Variants in CDKAL1 observed in about 807,000 individuals in gnomAD.
CDKAL1 encodes threonylcarbamoyladenosine tRNA methylthiotransferase.
CDKAL1 carries 32 observed loss-of-function variants against 68.2 expected under a neutral mutation model. The observed-to-expected ratio is 0.47, with a 90% CI of 0.35 to 0.63. CDKAL1 has a LOEUF of 0.63. Among genes scored for constraint, CDKAL1 ranks in the 30% least tolerant of loss-of-function variants. The probability of loss-of-function intolerance (pLI) is 0.00; values close to 1 mark genes in which losing one functional copy is unlikely to be tolerated. For synonymous variants in CDKAL1, 234 were observed against 244.3 expected, an observed-to-expected ratio of 0.96 and a Z score of 0.39; for missense variants, 606 against 696.7, an observed-to-expected ratio of 0.87 and a Z score of 1.47.
At position 20,600,771 on chromosome 6, in the gene CDKAL1, CAT is replaced by C. The variant is rs10522824; in HGVS notation, c.287-48506_287-48505del. On this transcript the variant is annotated intron_variant, in intron 4 of 15. Coordinates refer to ENST00000274695, the MANE Select transcript of CDKAL1 (RefSeq NM_017774.3). ...ATGGAGAGAGAGATATATATGTATA[CAT>C]ATATATATATATATACACACACACA... 2.3e-3 allele frequency among the ~76,000 whole-genome samples: 281 copies of C among 124,048 alleles called. 3 individuals are homozygous for C. Among genetic ancestry groups the C allele is most frequent in the African/African-American group, 5.9e-3 (204 of 34,430 alleles). The allele number at this position is 124,048 out of a possible 152,430, so 81.4% of individuals were successfully genotyped here. A position where few individuals can be genotyped will look rare whatever the true frequency, so the allele number is the denominator to read the frequency against.
chr6:21,086,523 G>A (rs1210069509), intron 12 of CDKAL1, among the ~76,000 whole-genome samples: 2 of 152,140 alleles, frequency 1.3e-5, no homozygotes, highest in African/African-American at 2.4e-5. Flanking sequence ...CGCCTAGGTG[G>A]GTGAACTAGT....
chr6:21,181,261 C>T (rs910698563), intron 13 of CDKAL1, among the ~76,000 whole-genome samples: 3 of 152,230 alleles, frequency 2.0e-5, no homozygotes, highest in Non-Finnish European at 4.4e-5. Flanking sequence ...TACAATGGCA[C>T]TTAAATTTCA....
chr6:20,886,072 A>T (rs67816138), intron 9 of CDKAL1, among the ~76,000 whole-genome samples: 4 of 152,144 alleles, frequency 2.6e-5, no homozygotes, highest in East Asian at 1.9e-4. Context: ...CTCAACAAGC[A>T]GACAACCCAG....
chr6:21,130,256 C>T (rs1382954825), intron 13 of CDKAL1, among the ~76,000 whole-genome samples: 2 of 132,578 alleles, frequency 1.5e-5, no homozygotes, highest in Non-Finnish European at 3.1e-5. Context: ...TGTAGTTTCG[C>T]TCTTGTTCCC....
At chr6:20,609,082 A>C (rs1247728305) in intron 4 of CDKAL1, among the ~76,000 whole-genome samples, 1 of 152,224 alleles carries the variant, frequency 6.6e-6, no homozygotes, top group Non-Finnish European at 1.5e-5. Context: ...TGGACTGCAC[A>C]TATGGGAATA....
chr6:20,874,331 T>C (rs13197235), intron 9 of CDKAL1, among the ~76,000 whole-genome samples: 42,594 of 151,592 alleles, frequency 0.28, 7,265 homozygotes, highest in East Asian at 0.37. Flanking sequence ...AGATGGAGTC[T>C]CGCCCTGTCG....
intron 9 of CDKAL1, among the ~76,000 whole-genome samples, chr6:20,868,023 G>A (rs1047605254): frequency 1.3e-5 from 2 of 148,810 alleles, no homozygotes; most frequent in African/African-American, 4.9e-5. Context: ...AGGCAAATTT[G>A]TCCTTTCTTT....
intron 13 of CDKAL1, among the ~76,000 whole-genome samples, chr6:21,151,310 C>G (rs546271448): frequency 3.8e-3 from 577 of 152,356 alleles, no homozygotes; most frequent in Non-Finnish European, 6.8e-3. Context: ...GTTTAACCCT[C>G]TCCGACCCAG....
At chr6:20,950,113 G>A (rs1405118555) in intron 9 of CDKAL1, among the ~76,000 whole-genome samples, 2 of 152,024 alleles carry the variant, frequency 1.3e-5, no homozygotes, top group Non-Finnish European at 2.9e-5. Context: ...GCAAAGAAGA[G>A]TAGAGGTCAT....
intron 10 of CDKAL1, among the ~76,000 whole-genome samples, chr6:20,976,594 A>G (rs560794311): frequency 6.6e-5 from 10 of 152,190 alleles, no homozygotes; most frequent in Non-Finnish European, 1.5e-4. Context: ...GTGCACTTGG[A>G]TGTGACTATC....
At chr6:21,159,101 C>CTTTTTTTTTTTTTTTTTTTTTTTT in intron 13 of CDKAL1, among the ~76,000 whole-genome samples, 1 of 135,810 alleles carries the variant, frequency 7.4e-6, no homozygotes, top group Non-Finnish European at 1.6e-5. Flanking sequence ...CTGAAACCTC[C>CTTTTTTTTTTTTTTTTTTTTTTTT]TTTTTTTTTT....
intron 4 of CDKAL1, among the ~76,000 whole-genome samples, chr6:20,620,509 T>G (rs1171770207): frequency 6.6e-6 from 1 of 152,180 alleles, no homozygotes; most frequent in African/African-American, 2.4e-5. Flanking sequence ...GCTCCAGAGG[T>G]TAAGTATCTT....
intron 7 of CDKAL1, among the ~76,000 whole-genome samples, chr6:20,779,128 G>T (rs886701955): frequency 6.6e-6 from 1 of 152,158 alleles, no homozygotes; most frequent in Non-Finnish European, 1.5e-5. Flanking sequence ...GTTATCATAA[G>T]AAGCCGTAGT....
intron 13 of CDKAL1, among the ~76,000 whole-genome samples, chr6:21,186,834 T>C (rs760886283): frequency 3.3e-5 from 5 of 152,162 alleles, no homozygotes; most frequent in Admixed American, 6.5e-5. Context: ...CGTTAAATTT[T>C]TAAAAACAAC....
intron 13 of CDKAL1, among the ~76,000 whole-genome samples, chr6:21,189,993 G>A (rs1023811288): frequency 2.0e-5 from 3 of 152,112 alleles, no homozygotes; most frequent in Admixed American, 6.6e-5. Context: ...TAATTACAGC[G>A]GTTCACTGGC....
chr6:20,855,695 GA>G (rs1759299442), intron 9 of CDKAL1, among the ~76,000 whole-genome samples: 1 of 152,064 alleles, frequency 6.6e-6, no homozygotes, highest in South Asian at 2.1e-4. Context: ...GACAGCATTA[GA>G]ATTTGTATTT....
intron 10 of CDKAL1, among the ~76,000 whole-genome samples, chr6:20,984,874 G>A (rs1177681917): frequency 6.6e-6 from 1 of 151,994 alleles, no homozygotes; most frequent in Non-Finnish European, 1.5e-5. Context: ...AGGAAAACAG[G>A]GATGTAAGTT....
intron 8 of CDKAL1, among the ~76,000 whole-genome samples, chr6:20,810,627 G>GGGGTGTGT (rs1343511045): frequency 7.4e-6 from 1 of 134,672 alleles, no homozygotes; most frequent in African/African-American, 2.8e-5. Flanking sequence ...TGTATGTATG[G>GGGGTGTGT]GTGTGTGTGT....
chr6:20,779,404 A>G (rs1359276346), intron 7 of CDKAL1, among the ~76,000 whole-genome samples: 5 of 152,222 alleles, frequency 3.3e-5, no homozygotes, highest in Non-Finnish European at 5.9e-5. Context: ...CAGCTGGTCA[A>G]TGGATTGACA....
Sources: gnomAD v4.1 joint callset for allele counts (sites outside exome capture counted in the v4.1 genomes callset) on GRCh38, gnomAD v4.1.1 for gene constraint, MANE v1.5 for transcripts, NCBI Gene and HGNC (gene_info 2026-07-23, HGNC 2026-07-21) for gene names.